The following RASIP1 variants were observed in gnomAD, a reference collection of about 807,000 sequenced individuals.
The protein encoded by RASIP1 is Ras interacting protein 1, also known as ras-interacting protein 1.
Under a neutral mutation model 85.3 loss-of-function variants are expected in RASIP1, and 20 were observed. That is an observed-to-expected ratio of 0.23 (90% CI 0.17 to 0.34). The LOEUF (loss-of-function observed/expected upper bound fraction) is 0.34, where lower values mean the gene tolerates loss of function less well. Ranked by LOEUF, RASIP1 falls within the 10% of genes least tolerant of loss-of-function variation. The pLI is 1.00. For synonymous variants in RASIP1, 617 were observed against 647.1 expected (o/e 0.95, Z 0.71); for missense variants, 1,170 against 1,390.9 (o/e 0.84, Z 2.53).
At chr19:48,728,704 C>T (rs2033386913) in intron 5 of RASIP1, among the ~76,000 whole-genome samples, 1 of 152,148 alleles carries the variant, frequency 6.6e-6, no homozygotes, top group Non-Finnish European at 1.5e-5. Context: ...GTAGAGGTTG[C>T]AGTGAACCAA....
intron 3 of RASIP1, chr19:48,737,524 C>T: frequency 1.0e-6 from 1 of 985,418 alleles, no homozygotes; most frequent in South Asian, 4.7e-5. Context: ...CATGTGATCC[C>T]ACTTGGCAGC....
chr19:48,721,810 G>A, intron 11 of RASIP1, 44 bp downstream of exon 11: 1 of 1,554,998 alleles, frequency 6.4e-7, no homozygotes, highest in Non-Finnish European at 8.7e-7. Flanking sequence ...CTCAAAAGAA[G>A]AAGAAAGCTG....
At chr19:48,722,936 A>AG (rs1445449735) in intron 10 of RASIP1, among the ~76,000 whole-genome samples, 2 of 152,140 alleles carry the variant, frequency 1.3e-5, no homozygotes, top group Non-Finnish European at 2.9e-5. Context: ...CCCATGCTGG[A>AG]GTACAGTGGC....
chr19:48,729,078 G>A lies in RASIP1; in HGVS notation c.1692C>T (p.Ala564=), dbSNP rs527495901. ...GGGGCGGCAGGTCTCCCGAGCCGGC[G>A]GCTGCGGCGCGCACGATCTCGCCCA... ...ALLGEIVRAA[A]AGSGDLPPLG... Residue 564 remains alanine (A), a synonymous_variant, in exon 5 of 12, where the codon GCC becomes GCT. Coordinates refer to ENST00000222145, the MANE Select transcript of RASIP1 (RefSeq NM_017805.3). 2.1e-5 allele frequency: 29 copies of A among 1,379,028 alleles called. No homozygotes were observed. Among genetic ancestry groups the A allele is most frequent in the African/African-American group, 1.2e-4 (8 of 65,094 alleles). The allele number at this position is 1,379,028 out of a possible 1,614,324, so 85.4% of individuals were successfully genotyped here. A position where few individuals can be genotyped will look rare whatever the true frequency, so the allele number is the denominator to read the frequency against.
At chr19:48,721,124 G>A (rs2033227973) in intron 11 of RASIP1, 127 bp from the exon 12 acceptor site, 4 of 821,970 alleles carry the variant, frequency 4.9e-6, no homozygotes, top group Non-Finnish European at 7.4e-6. Flanking sequence ...CTCCTGGGGC[G>A]GGGTCCGTTC....
chr19:48,725,248 A>G, intron 8 of RASIP1: 1 of 304,816 alleles, frequency 3.3e-6, no homozygotes, highest in African/African-American at 2.2e-5. Context: ...GTTCCCTTTC[A>G]GTCAAAGAAT....
At chr19:48,722,436 T>C (rs1478530255) in intron 10 of RASIP1, among the ~76,000 whole-genome samples, 2 of 151,144 alleles carry the variant, frequency 1.3e-5, no homozygotes, top group African/African-American at 4.9e-5. Context: ...GCTCAAGTGA[T>C]CCTTGGCCCC....
chr19:48,725,308 G>A, intron 8 of RASIP1: 1 of 216,666 alleles, frequency 4.6e-6, no homozygotes, highest in Non-Finnish European at 9.4e-6. Flanking sequence ...GAGTCAGGAA[G>A]TGGGAGTGGG....
chr19:48,732,062 CTCT>C (rs1031866592), intron 4 of RASIP1, among the ~76,000 whole-genome samples: 16 of 133,512 alleles, frequency 1.2e-4, no homozygotes, highest in South Asian at 2.3e-4. Context: ...TTTTTTTAAT[CTCT>C]TTTTTTTTTT....
rs1599753168 is a variant in RASIP1, at chr19:48,740,265, C to T, written c.18G>A (p.Arg6=). 1 of 1,587,602 alleles carries T rather than the reference C, an allele frequency of 6.3e-7. No homozygotes were observed. Among genetic ancestry groups the T allele is most frequent in the African/African-American group, 1.4e-5 (1 of 72,536 alleles). Residue 6 remains arginine (R), a synonymous_variant, in exon 2 of 12, where the codon CGG becomes CGA. Coordinates refer to ENST00000222145, the MANE Select transcript of RASIP1 (RefSeq NM_017805.3). This position sits in a 1 kb window ranked among gnomAD's most constrained non-coding sequence, Gnocchi z 5.5. MLSGE[R]KEGGSPRFGK... is the part of the protein sequence containing the mutation. ...CGAAGCGGGGGCTTCCGCCCTCCTT[C>T]CGTTCACCAGACAGCATGGCCCTAA...
In RASIP1 at chr19:48,740,466, T is replaced by G. The variant is rs565595800; in HGVS notation, c.-5+55A>C. On this transcript the variant is annotated intron_variant, in intron 1 of 11. Coordinates refer to ENST00000222145, the MANE Select transcript of RASIP1 (RefSeq NM_017805.3). The surrounding 1 kb of genome is among the most constrained non-coding windows in gnomAD (Gnocchi z 5.5). The stretch of plus-strand genomic sequence containing the variant: ...CTGGGATGGAAGATGGCTGGGGGAC[T>G]GAGTCTTGGGGCCCAGGGAGGAGGG... 469 of 1,397,214 alleles carry G rather than the reference T, an allele frequency of 3.4e-4. 2 individuals carry two copies. The African/African-American group carries it at 6.6e-3, about 20-fold the overall frequency. The allele number at this position is 1,397,214 out of a possible 1,614,324, so 86.6% of individuals were successfully genotyped here.
At chr19:48,735,160 A>AG in intron 4 of RASIP1, 36 bp downstream of exon 4, 1 of 1,554,304 alleles carries the variant, frequency 6.4e-7, no homozygotes, top group Non-Finnish European at 8.8e-7. Context: ...GATGGGGTAT[A>AG]GGGCTCTGGG....
At chr19:48,737,867 A>G in intron 3 of RASIP1, 2 of 985,232 alleles carry the variant, frequency 2.0e-6, no homozygotes, top group Non-Finnish European at 2.4e-6. Flanking sequence ...GCTCCCAAGA[A>G]CATTGTCCGT....
intron 6 of RASIP1, 46 bp downstream of exon 6, chr19:48,727,347 C>T: frequency 6.2e-7 from 1 of 1,604,058 alleles, no homozygotes; most frequent in Non-Finnish European, 8.5e-7. Context: ...ACGCAAAACC[C>T]AACCCCTGCA....
chr19:48,735,280 G>A lies in RASIP1; in HGVS notation c.1095C>T (p.Asp365=). The A allele has an allele frequency of 6.2e-6, 10 of 1,614,104 alleles. No individual in the cohort carries two copies. Among genetic ancestry groups the A allele is most frequent in the Non-Finnish European group, 8.5e-6 (10 of 1,180,008 alleles). Residue 365 remains aspartate, a synonymous_variant, in exon 4 of 12, where the codon GAC becomes GAT. Transcript: ENST00000222145. ...DAQIGTADPG[D]FDQLTQCLIQ... ...TGAGGCACTGAGTCAACTGATCGAA[G>A]TCCCCGGGGTCTGCAGTTCCGATTT...
Position 48,728,978 on chromosome 19 carries a change from G to A in RASIP1, c.1792C>T (p.Leu598=). The A allele has an allele frequency of 1.4e-6, 2 of 1,457,280 alleles. No homozygotes were observed. The highest frequency in any genetic ancestry group is 1.8e-6 in the Non-Finnish European group (2 of 1,113,666). The allele number at this position is 1,457,280 out of a possible 1,614,324, so 90.3% of individuals were successfully genotyped here. ...ATGAGCCGGGCCAGGCGGCCCAGCA[G>A]TCGTGGCAGGTGGCCCAGCTCCAGC... ...RELELGHLPR[L]LGRLARLIKE... is the part of the protein sequence containing the mutation. Residue 598 remains leucine, a synonymous_variant, in exon 5 of 12, where the codon CTG becomes TTG. Coordinates refer to ENST00000222145, the MANE Select transcript of RASIP1 (RefSeq NM_017805.3).
rs554982760 is a variant in RASIP1, at chr19:48,734,205, G to A, written c.1179+991C>T. Among the ~76,000 whole-genome samples, 18 of 151,972 alleles carry A rather than the reference G, an allele frequency of 1.2e-4. No homozygotes were observed. The East Asian group carries it at 3.5e-3, about 30-fold the overall frequency. ...AGCTACTCGGGAGGCTGAGGCAGGA[G>A]AATGGCGTGAACCCAGGAGACAGAG... On this transcript the variant is annotated intron_variant, in intron 4 of 11. Transcript: ENST00000222145.
chr19:48,724,031 C>T lies in RASIP1; in HGVS notation c.2544+306G>A, dbSNP rs537222728. ...CCATGTTGGCCAGGCTGGTCTCAAA[C>T]TCCTGGCCTCAAGTGATCCACCTAC... On this transcript the variant is annotated intron_variant, in intron 10 of 11. Coordinates refer to ENST00000222145, the MANE Select transcript of RASIP1 (RefSeq NM_017805.3). This position sits in a 1 kb window ranked among gnomAD's most constrained non-coding sequence, Gnocchi z 4.6. Among the ~76,000 whole-genome samples the T allele has an allele frequency of 1.3e-5, 2 of 152,352 alleles. No individual in the cohort carries two copies. Among genetic ancestry groups the T allele is most frequent in the East Asian group, 1.9e-4 (1 of 5,174 alleles).
In RASIP1 at chr19:48,740,101, G is replaced by A; in HGVS notation, c.137+45C>T. The stretch of plus-strand genomic sequence containing the variant: ...CTGGGCAGTGAACAGGGACAGATGG[G>A]AAGCAGGTGTGCAGGGGCAGGAGTC... On this transcript the variant is annotated intron_variant, in intron 2 of 11. Transcript: ENST00000222145. The surrounding 1 kb of genome is among the most constrained non-coding windows in gnomAD (Gnocchi z 5.5). 1 of 1,525,650 alleles carries A rather than the reference G, an allele frequency of 6.6e-7. No homozygotes were observed. Among genetic ancestry groups the A allele is most frequent in the Non-Finnish European group, 8.8e-7 (1 of 1,141,240 alleles). 94.5% of individuals were successfully genotyped at this position (1,525,650 alleles called of 1,614,324 possible). A position where few individuals can be genotyped will look rare whatever the true frequency, so the allele number is the denominator to read the frequency against.
Sources: gnomAD v4.1 joint callset for allele counts (sites outside exome capture counted in the v4.1 genomes callset) on GRCh38, gnomAD v4.1.1 for gene constraint, Gnocchi (gnomAD v3.1) non-coding constraint, MANE v1.5 for transcripts, NCBI Gene and HGNC (gene_info 2026-07-23, HGNC 2026-07-21) for gene names.